The following BICDL1 variants were observed in gnomAD, a reference collection of about 807,000 sequenced individuals.
BICDL1 encodes BICD family-like cargo adapter 1.
Under a neutral mutation model 76.8 loss-of-function variants are expected in BICDL1, and 20 were observed. The observed-to-expected ratio is 0.26, with a 90% CI of 0.18 to 0.38. BICDL1 has a LOEUF of 0.38. Among genes scored for constraint, BICDL1 ranks in the 10% least tolerant of loss-of-function variants. The pLI is 1.00. For missense variants in BICDL1, 700 were observed against 798.6 expected, an observed-to-expected ratio of 0.88 and a Z score of 1.49; for synonymous variants, 383 against 337.1, an observed-to-expected ratio of 1.14 and a Z score of -1.49.
At chr12:120,035,677 CTA>C (rs1367015673) in intron 2 of BICDL1, among the ~76,000 whole-genome samples, 1 of 152,166 alleles carries the variant, frequency 6.6e-6, no homozygotes, top group African/African-American at 2.4e-5. Context: ...AAACCATGCT[CTA>C]TACAGAGTAT....
rs1358666967 is a variant in BICDL1 at position 120,093,962 on chromosome 12, G to A, written c.*801G>A. On this transcript the variant is annotated 3_prime_UTR_variant, in exon 10 of 10. Transcript: ENST00000548673. ...TTGGACGGGGTCTCCTCCTCCCACAGCTCCCTCCTCCACCCCTCACATACA... is the reference window on the plus strand; with the variant it reads ...TTGGACGGGGTCTCCTCCTCCCACAACTCCCTCCTCCACCCCTCACATACA... 1 of 328,928 alleles carries A rather than the reference G, an allele frequency of 3.0e-6. No homozygotes were observed. Among genetic ancestry groups the A allele is most frequent in the East Asian group, 8.0e-5 (1 of 12,558 alleles). 20.4% of individuals were successfully genotyped at this position (328,928 alleles called of 1,614,324 possible). A position where few individuals can be genotyped will look rare whatever the true frequency, so the allele number is the denominator to read the frequency against.
intron 2 of BICDL1, among the ~76,000 whole-genome samples, chr12:120,015,514 G>A (rs1012804986): frequency 6.6e-6 from 1 of 152,118 alleles, no homozygotes; most frequent in Non-Finnish European, 1.5e-5. Flanking sequence ...GAGTGCTTTA[G>A]TCCCTTTCTT....
chr12:119,989,576 C>A lies in BICDL1; in HGVS notation c.-293C>A, dbSNP rs1418818571. Among the ~76,000 whole-genome samples, 2 of 150,522 alleles carry A rather than the reference C, an allele frequency of 1.3e-5. No homozygotes were observed. Among genetic ancestry groups the A allele is most frequent in the East Asian group, 2.0e-4 (1 of 5,090 alleles). On this transcript the variant is annotated 5_prime_UTR_variant, in exon 1 of 10. Transcript: ENST00000548673. ...GACCCTCAGTCTCTGTTCCTGAGTC[C>A]TCCCTTCCCCAGCCTTCCCGTTCCC...
At position 120,080,999 on chromosome 12, in the gene BICDL1, G is replaced by A. The variant is rs754854821; in HGVS notation, c.1565G>A (p.Arg522His). 8.7e-6 allele frequency: 14 copies of A among 1,613,510 alleles called. No individual in the cohort carries two copies. In the East Asian group the frequency reaches 2.2e-4, roughly 26 times the overall value. Reference protein sequence around the residue: ...KEQLQKAIRDRDEAIAKKNAV... With the variant: ...KEQLQKAIRDHDEAIAKKNAV... ...CAGCTTCAGAAGGCCATCAGGGACC[G>A]CGACGAGGCCATTGCAAAGTGAGTA... Residue 522 changes from arginine to histidine, a missense_variant, in exon 8 of 10, where the codon CGC becomes CAC. Physicochemically the swap from Arg to His is conservative, Grantham distance 29. Transcript: ENST00000548673.
intron 2 of BICDL1, among the ~76,000 whole-genome samples, chr12:120,018,383 T>A (rs1428514863): frequency 6.6e-6 from 1 of 152,228 alleles, no homozygotes; most frequent in African/African-American, 2.4e-5. Context: ...TCTCTCAGAT[T>A]CCCTGTTAGA....
chr12:120,093,969 C>T lies in BICDL1; in HGVS notation c.*808C>T, dbSNP rs190116381. ...GGGTCTCCTCCTCCCACAGCTCCCT[C>T]CTCCACCCCTCACATACATACATAA... On this transcript the variant is annotated 3_prime_UTR_variant, in exon 10 of 10. Transcript: ENST00000548673. The T allele has an allele frequency of 2.3e-3, 769 of 335,552 alleles. 7 individuals are homozygous for T. Among genetic ancestry groups the T allele is most frequent in the African/African-American group, 0.016 (729 of 46,520 alleles). 20.8% of individuals were successfully genotyped at this position (335,552 alleles called of 1,614,324 possible). A position where few individuals can be genotyped will look rare whatever the true frequency, so the allele number is the denominator to read the frequency against.
chr12:119,993,817 T>C (rs1951579257), intron 1 of BICDL1, among the ~76,000 whole-genome samples: 1 of 152,138 alleles, frequency 6.6e-6, no homozygotes, highest in Non-Finnish European at 1.5e-5. Flanking sequence ...GGTTTCACCA[T>C]GGTGGCCAGG....
At chr12:120,070,213 A>G (rs1872982152) in intron 4 of BICDL1, among the ~76,000 whole-genome samples, 1 of 152,220 alleles carries the variant, frequency 6.6e-6, no homozygotes, top group Non-Finnish European at 1.5e-5. Context: ...TTTCCAAAGT[A>G]TTCGTACATT....
rs150561548 is a variant in BICDL1 at position 120,055,202 on chromosome 12, A to G, written c.646-6508A>G. On this transcript the variant is annotated intron_variant, in intron 2 of 9. Coordinates refer to ENST00000548673, the MANE Select transcript of BICDL1 (RefSeq NM_001367886.1). The stretch of plus-strand genomic sequence containing the variant: ...TATTCAGGCAAAATATTAAAATAGT[A>G]GATCTTTCCTATGATAATTTCTAAG... Among the ~76,000 whole-genome samples the G allele has an allele frequency of 6.6e-5, 10 of 152,354 alleles. No individual in the cohort carries two copies. The East Asian group carries it at 1.2e-3, about 18-fold the overall frequency.
At position 119,990,049 on chromosome 12, in the gene BICDL1, G is replaced by A. The variant is rs781730862; in HGVS notation, c.181G>A (p.Ala61Thr). The stretch of plus-strand genomic sequence containing the variant: ...AGAACTGGCGTTAGAGGAGGAGCTG[G>A]CGCTGCTGGCGGCCGGGGAGCGGCC... ...ELELALEEEL[A>T]LLAAGERPSD... The change falls in exon 1 of 10, where the codon GCG (alanine) becomes ACG (threonine). Residue 61 changes from alanine to threonine, a missense_variant. Physicochemically the swap from Ala to Thr is moderately conservative, Grantham distance 58 (BLOSUM62 0). Coordinates refer to ENST00000548673, the MANE Select transcript of BICDL1 (RefSeq NM_001367886.1). 6.5e-6 allele frequency: 10 copies of A among 1,533,042 alleles called. No individual in the cohort carries two copies. Among genetic ancestry groups the A allele is most frequent in the South Asian group, 1.2e-5 (1 of 82,758 alleles). 95.0% of individuals were successfully genotyped at this position (1,533,042 alleles called of 1,614,324 possible). A position where few individuals can be genotyped will look rare whatever the true frequency, so the allele number is the denominator to read the frequency against.
At chr12:120,092,265 G>A (rs1460236172) in intron 9 of BICDL1, 3 of 985,342 alleles carry the variant, frequency 3.0e-6, no homozygotes, top group Non-Finnish European at 3.6e-6. Context: ...GGTGGGGCGG[G>A]CTGTGGGGAG....
intron 1 of BICDL1, among the ~76,000 whole-genome samples, chr12:119,994,640 C>G (rs201076184): frequency 6.6e-6 from 1 of 152,128 alleles, no homozygotes; most frequent in East Asian, 1.9e-4. Context: ...CTGGTATACA[C>G]CACCATGCCC....
chr12:120,017,480 A>T (rs1952089240), intron 2 of BICDL1, among the ~76,000 whole-genome samples: 1 of 152,202 alleles, frequency 6.6e-6, no homozygotes, highest in Non-Finnish European at 1.5e-5. Context: ...TTGAAGACTA[A>T]ATGAAAATAT....
intron 2 of BICDL1, among the ~76,000 whole-genome samples, chr12:120,053,895 A>G (rs1285552103): frequency 6.6e-6 from 1 of 152,112 alleles, no homozygotes; most frequent in African/African-American, 2.4e-5. Context: ...CTGTAAGGCC[A>G]GGTGCAGTGG....
At chr12:120,050,249 A>G (rs1223336643) in intron 2 of BICDL1, among the ~76,000 whole-genome samples, 4 of 149,764 alleles carry the variant, frequency 2.7e-5, no homozygotes, top group African/African-American at 9.8e-5. Flanking sequence ...TTATAGATCT[A>G]TTCTCTTTTT....
chr12:120,092,068 C>T (rs1199221303), intron 9 of BICDL1: 2 of 985,346 alleles, frequency 2.0e-6, no homozygotes, highest in Non-Finnish European at 2.4e-6. Flanking sequence ...GTTACATTTA[C>T]TGATGATGCT....
chr12:120,001,289 C>T (rs758690432), intron 2 of BICDL1, among the ~76,000 whole-genome samples: 1 of 152,056 alleles, frequency 6.6e-6, no homozygotes, highest in Non-Finnish European at 1.5e-5. Flanking sequence ...CTTTGTCGCC[C>T]AGGCTGGAGT....
intron 2 of BICDL1, among the ~76,000 whole-genome samples, chr12:120,039,210 T>A (rs1214563805): frequency 1.3e-5 from 2 of 151,952 alleles, no homozygotes; most frequent in African/African-American, 4.8e-5. Context: ...GGCAGGAGAA[T>A]CGCTTGAACC....
At chr12:120,032,332 A>T (rs959730447) in intron 2 of BICDL1, among the ~76,000 whole-genome samples, 9 of 152,302 alleles carry the variant, frequency 5.9e-5, no homozygotes, top group East Asian at 3.9e-4. Context: ...ATTTTTAAAA[A>T]TTTTTTATTT....
Sources: allele counts gnomAD v4.1 joint callset (sites outside exome capture counted in the v4.1 genomes callset), GRCh38; gene constraint gnomAD v4.1.1; transcripts MANE v1.5; gene names NCBI Gene and HGNC (gene_info 2026-07-23, HGNC 2026-07-21).